Variants in HTR1F observed in about 807,000 individuals in gnomAD.
HTR1F encodes 5-hydroxytryptamine receptor 1F, also known as 5-hydroxytryptamine (serotonin) receptor 1F, G protein-coupled.
HTR1F carries 17 observed loss-of-function variants against 24.0 expected under a neutral mutation model. That is an observed-to-expected ratio of 0.71 (90% CI 0.48 to 1.06). HTR1F has a LOEUF of 1.06. Ranked by LOEUF, HTR1F falls within the 50% of genes least tolerant of loss-of-function variation. HTR1F has a pLI of 0.00. For missense variants in HTR1F, 391 were observed against 427.8 expected, an observed-to-expected ratio of 0.91 and a Z score of 0.76; for synonymous variants, 186 against 156.8, an observed-to-expected ratio of 1.19 and a Z score of -1.39.
At chr3:87,815,535 T>C (rs1704234486) in intron 1 of HTR1F, among the ~76,000 whole-genome samples, 2 of 152,206 alleles carry the variant, frequency 1.3e-5, no homozygotes, top group South Asian at 4.1e-4. Context: ...TCCCAAATGA[T>C]ATTAAAAAGA....
chr3:87,941,271 A>C (rs180808592), intron 2 of HTR1F, among the ~76,000 whole-genome samples: 17 of 152,274 alleles, frequency 1.1e-4, no homozygotes, highest in African/African-American at 3.4e-4. Context: ...GGGAATCCAT[A>C]TTGGGCAGAA....
At chr3:87,808,380 C>G (rs1425431128) in intron 1 of HTR1F, among the ~76,000 whole-genome samples, 1 of 151,782 alleles carries the variant, frequency 6.6e-6, no homozygotes, top group Non-Finnish European at 1.5e-5. Flanking sequence ...TCTGTTTCCT[C>G]TAGGTTTTCT....
At chr3:87,980,684 G>A (rs574595081) in intron 2 of HTR1F, among the ~76,000 whole-genome samples, 83 of 152,228 alleles carry the variant, frequency 5.5e-4, no homozygotes, top group Non-Finnish European at 8.2e-4. Context: ...TGTACTGAGG[G>A]GCATCTGCAG....
At chr3:87,839,958 T>C (rs1050494437) in intron 2 of HTR1F, among the ~76,000 whole-genome samples, 1 of 152,186 alleles carries the variant, frequency 6.6e-6, no homozygotes, top group Non-Finnish European at 1.5e-5. Context: ...CATGGCTGCA[T>C]GGTATTCCAT....
At chr3:87,925,703 A>G (rs1293653290) in intron 2 of HTR1F, among the ~76,000 whole-genome samples, 1 of 152,030 alleles carries the variant, frequency 6.6e-6, no homozygotes, top group African/African-American at 2.4e-5. Context: ...GACTCCAGGG[A>G]TCTTCTTATA....
intron 2 of HTR1F, among the ~76,000 whole-genome samples, chr3:87,850,279 T>TA (rs1405683912): frequency 6.6e-6 from 1 of 151,870 alleles, no homozygotes; most frequent in East Asian, 1.9e-4. Flanking sequence ...TATGCAGCCA[T>TA]AAAAAATGAT....
At chr3:87,868,970 G>T (rs1705485895) in intron 2 of HTR1F, among the ~76,000 whole-genome samples, 1 of 151,792 alleles carries the variant, frequency 6.6e-6, no homozygotes, top group African/African-American at 2.4e-5. Context: ...CAATGTAAAA[G>T]AAAGAAAAAT....
rs36079013 is a variant in HTR1F, at chr3:87,990,153, C to T, written c.-42-555C>T. 3.4e-3 allele frequency among the ~76,000 whole-genome samples: 516 copies of T among 152,240 alleles called. 4 individuals are homozygous for T. Among genetic ancestry groups the T allele is most frequent in the Admixed American group, 0.011 (175 of 15,282 alleles). On this transcript the variant is annotated intron_variant, in intron 2 of 2. Transcript: ENST00000319595. ...GAGTTTCTTCAGACCCCCAATAAAACTTGTTCATCCTAAATGGATCCTGTT... is the reference window on the plus strand; with the variant it reads ...GAGTTTCTTCAGACCCCCAATAAAATTTGTTCATCCTAAATGGATCCTGTT...
intron 2 of HTR1F, among the ~76,000 whole-genome samples, chr3:87,839,884 T>G (rs1207635935): frequency 6.6e-6 from 1 of 152,202 alleles, no homozygotes; most frequent in East Asian, 1.9e-4. Context: ...TGTATTAGTT[T>G]GCTTAGGATA....
intron 2 of HTR1F, among the ~76,000 whole-genome samples, chr3:87,946,059 G>A (rs985059497): frequency 1.5e-4 from 23 of 152,196 alleles, no homozygotes; most frequent in African/African-American, 3.9e-4. Context: ...GAAGAGAACC[G>A]TGGAACCCAG....
At chr3:87,967,812 G>A (rs1426926552) in intron 2 of HTR1F, among the ~76,000 whole-genome samples, 1 of 152,158 alleles carries the variant, frequency 6.6e-6, no homozygotes, top group Non-Finnish European at 1.5e-5. Context: ...CCCAGTCTCA[G>A]GTATGTGTAT....
At chr3:87,965,484 T>C (rs138468437) in intron 2 of HTR1F, among the ~76,000 whole-genome samples, 3,280 of 152,272 alleles carry the variant, frequency 0.022, 105 homozygotes, top group African/African-American at 0.074. Context: ...AATTGTGAGA[T>C]TAAATTGGAC....
intron 2 of HTR1F, among the ~76,000 whole-genome samples, chr3:87,943,684 G>A (rs1411479622): frequency 6.6e-6 from 1 of 151,854 alleles, no homozygotes; most frequent in Non-Finnish European, 1.5e-5. Context: ...TGAAAAGAAA[G>A]TTTGTACATA....
intron 2 of HTR1F, among the ~76,000 whole-genome samples, chr3:87,889,388 A>C (rs1559620167): frequency 6.6e-6 from 1 of 152,220 alleles, no homozygotes; most frequent in African/African-American, 2.4e-5. Context: ...ATCACCTGCC[A>C]TTCCCTAATT....
chr3:87,991,185 A>G lies in HTR1F; in HGVS notation c.436A>G (p.Ile146Val), dbSNP rs767315136. The G allele has an allele frequency of 6.2e-7, 1 of 1,613,906 alleles. No individual in the cohort carries two copies. The highest frequency in any genetic ancestry group is 8.5e-7 in the Non-Finnish European group (1 of 1,180,004). Residue 146 changes from isoleucine to valine, a missense_variant, in exon 3 of 3, where the codon ATA (isoleucine) becomes GTA (valine). Physicochemically the swap from Ile to Val is conservative, Grantham distance 29 (BLOSUM62 3). Transcript: ENST00000319595. ...TPKHAGIMIT[I>V]VWIISVFISM... ...AAAGCATGCTGGCATTATGATTACAATAGTTTGGATTATATCTGTTTTTAT... is the reference window on the plus strand; with the variant it reads ...AAAGCATGCTGGCATTATGATTACAGTAGTTTGGATTATATCTGTTTTTAT...
chr3:87,956,233 A>T (rs1704940423), intron 2 of HTR1F, among the ~76,000 whole-genome samples: 2 of 151,378 alleles, frequency 1.3e-5, no homozygotes, highest in African/African-American at 4.8e-5. Context: ...AAGAATTGAT[A>T]ATCATTATTT....
intron 2 of HTR1F, among the ~76,000 whole-genome samples, chr3:87,876,709 G>A (rs1202916459): frequency 2.6e-5 from 4 of 152,086 alleles, no homozygotes; most frequent in African/African-American, 7.2e-5. Context: ...TTTATTGTTC[G>A]GTGGATATAG....
At chr3:87,965,408 T>A (rs1408402635) in intron 2 of HTR1F, among the ~76,000 whole-genome samples, 1 of 152,164 alleles carries the variant, frequency 6.6e-6, no homozygotes, top group Non-Finnish European at 1.5e-5. Flanking sequence ...TTTTCATATA[T>A]ATTGCAAAAC....
chr3:87,951,031 C>A (rs920126083), intron 2 of HTR1F, among the ~76,000 whole-genome samples: 1 of 152,110 alleles, frequency 6.6e-6, no homozygotes, highest in Non-Finnish European at 1.5e-5. Flanking sequence ...GTATCTGCAA[C>A]TTTCACATTA....
Sources: gnomAD v4.1 joint callset for allele counts (sites outside exome capture counted in the v4.1 genomes callset) on GRCh38, gnomAD v4.1.1 for gene constraint, MANE v1.5 for transcripts, NCBI Gene and HGNC (gene_info 2026-07-23, HGNC 2026-07-21) for gene names.